Variants in GPHN observed in about 807,000 individuals in gnomAD.
The protein encoded by GPHN is gephyrin.
GPHN carries 17 observed loss-of-function variants against 95.5 expected under a neutral mutation model. The ratio of observed to expected loss-of-function variants is 0.18; its 90% CI spans 0.12 to 0.27. The LOEUF (loss-of-function observed/expected upper bound fraction) is 0.27. Ranked by LOEUF, GPHN falls within the 10% of genes least tolerant of loss-of-function variation. The pLI, the probability that GPHN is intolerant of heterozygous loss-of-function variation, is 1.00. For synonymous variants in GPHN, 320 were observed against 322.5 expected (o/e 0.99, Z 0.08); for missense variants, 660 against 978.1 (o/e 0.67, Z 4.34).
the GPHN span, among the ~76,000 whole-genome samples, chr14:67,410,924 T>C: frequency 1.6e-4 from 24 of 152,274 alleles, no homozygotes; most frequent in African/African-American, 5.3e-4. Context: ...GGTGGGCAGA[T>C]GACTTAAACC....
chr14:67,520,839 A>G, the GPHN span, among the ~76,000 whole-genome samples: 2 of 152,258 alleles, frequency 1.3e-5, no homozygotes, highest in Non-Finnish European at 2.9e-5. Context: ...CAAGGAGCAC[A>G]ATTCCTGGAT....
At chr14:67,561,281 C>G in the GPHN span, among the ~76,000 whole-genome samples, 1 of 152,186 alleles carries the variant, frequency 6.6e-6, no homozygotes. Context: ...GGGGCAGTGG[C>G]TCACACCTGT....
At position 66,930,305 on chromosome 14, in the gene GPHN, G is replaced by C. The variant is rs1375920027; in HGVS notation, c.828+6013G>C. Among the ~76,000 whole-genome samples the C allele has an allele frequency of 2.6e-5, 4 of 151,210 alleles. No homozygotes were observed. In the East Asian group the frequency reaches 7.7e-4, roughly 29 times the overall value. ...AATTTCTTACTTTATATTTTTTGTG[G>C]AACTATTGTTAGTTTTTTGGTTTGA... On this transcript the variant is annotated intron_variant, in intron 8 of 22. Coordinates refer to ENST00000478722, the MANE Select transcript of GPHN (RefSeq NM_020806.5).
intron 1 of GPHN, among the ~76,000 whole-genome samples, chr14:66,531,340 C>T (rs2058930664): frequency 6.6e-6 from 1 of 152,072 alleles, no homozygotes; most frequent in African/African-American, 2.4e-5. Context: ...GAGTCTGAGG[C>T]AGGAGAATCA....
At chr14:67,225,162 G>A in the GPHN span, 1 of 1,583,538 alleles carries the variant, frequency 6.3e-7, no homozygotes, top group Non-Finnish European at 8.6e-7. Flanking sequence ...CCTCAAACTT[G>A]TGCCTCATCT....
At position 67,054,000 on chromosome 14, in the gene GPHN, A is replaced by G. The variant is rs578005354; in HGVS notation, c.1007-4649A>G. ...GCAATTTATGACAAACCCACAGCCA[A>G]TATCATACTGAATGGGAAAAAGCTC... is the stretch of plus-strand genomic sequence containing the variant. On this transcript the variant is annotated intron_variant, in intron 10 of 22. Coordinates refer to ENST00000478722, the MANE Select transcript of GPHN (RefSeq NM_020806.5). 7.2e-5 allele frequency among the ~76,000 whole-genome samples: 11 copies of G among 152,358 alleles called. No homozygotes were observed. In the South Asian group the frequency reaches 2.1e-3, roughly 29 times the overall value.
chr14:66,809,621 A>T (rs1566968428), intron 3 of GPHN, among the ~76,000 whole-genome samples: 1 of 152,198 alleles, frequency 6.6e-6, no homozygotes, highest in Non-Finnish European at 1.5e-5. Flanking sequence ...TCTATGGCAT[A>T]CAAGTAACAC....
chr14:67,615,525 A>G, the GPHN span: 1 of 445,068 alleles, frequency 2.2e-6, no homozygotes, highest in Non-Finnish European at 4.3e-6. Context: ...GCAAAATGCC[A>G]TCGTATGTAT....
intron 11 of GPHN, among the ~76,000 whole-genome samples, chr14:67,072,935 G>A (rs1315163682): frequency 6.6e-6 from 1 of 151,946 alleles, no homozygotes; most frequent in African/African-American, 2.4e-5. Context: ...TAAGCCACCA[G>A]TATTTCTTCA....
chr14:66,938,261 A>C (rs572110985), intron 8 of GPHN, among the ~76,000 whole-genome samples: 8 of 152,336 alleles, frequency 5.3e-5, no homozygotes, highest in Middle Eastern at 3.4e-3. Flanking sequence ...GGAGGAAGTC[A>C]GAATCAAATA....
the GPHN span, among the ~76,000 whole-genome samples, chr14:67,213,792 G>A: frequency 6.6e-6 from 1 of 152,174 alleles, no homozygotes; most frequent in Admixed American, 6.5e-5. Context: ...TAGTGTAAAA[G>A]TGTTCCTATT....
chr14:66,626,895 A>G (rs369648010), intron 1 of GPHN, among the ~76,000 whole-genome samples: 2 of 152,084 alleles, frequency 1.3e-5, no homozygotes, highest in African/African-American at 4.8e-5. Flanking sequence ...ACAAATTATA[A>G]AACAGTGCAG....
the GPHN span, among the ~76,000 whole-genome samples, chr14:67,440,744 T>C: frequency 7.2e-6 from 1 of 138,442 alleles, no homozygotes; most frequent in Non-Finnish European, 1.6e-5. Flanking sequence ...TTTTCCTGTC[T>C]CAGAGTGAAA....
intron 19 of GPHN, among the ~76,000 whole-genome samples, chr14:67,163,379 A>T (rs979298126): frequency 6.6e-6 from 1 of 152,120 alleles, no homozygotes. Context: ...CAATATAACT[A>T]TTGCTACTAT....
chr14:66,999,884 A>G (rs1359685854), intron 9 of GPHN, among the ~76,000 whole-genome samples: 1 of 151,874 alleles, frequency 6.6e-6, no homozygotes, highest in Non-Finnish European at 1.5e-5. Flanking sequence ...TTTGTAACAC[A>G]ATATCTAACC....
chr14:66,625,008 A>C (rs1192586139), intron 1 of GPHN, among the ~76,000 whole-genome samples: 1 of 152,168 alleles, frequency 6.6e-6, no homozygotes, highest in African/African-American at 2.4e-5. Context: ...TTTTACAATT[A>C]GTCTGAATGG....
the GPHN span, among the ~76,000 whole-genome samples, chr14:67,670,052 G>A: frequency 6.6e-6 from 1 of 152,208 alleles, no homozygotes; most frequent in Non-Finnish European, 1.5e-5. Flanking sequence ...CAGTGATGGT[G>A]CCACTGCACT....
the GPHN span, chr14:67,646,567 C>A: frequency 8.5e-7 from 1 of 1,183,122 alleles, no homozygotes; most frequent in Admixed American, 1.8e-5. Flanking sequence ...AGATTGCATA[C>A]CCACGGACGC....
At chr14:67,487,913 T>C in the GPHN span, among the ~76,000 whole-genome samples, 1 of 152,186 alleles carries the variant, frequency 6.6e-6, no homozygotes, top group Admixed American at 6.5e-5. Flanking sequence ...CGTGAGCCAC[T>C]GTGCCTGGCC....
Sources: allele counts gnomAD v4.1 joint callset (sites outside exome capture counted in the v4.1 genomes callset), GRCh38; gene constraint gnomAD v4.1.1; transcripts MANE v1.5; gene names NCBI Gene and HGNC (gene_info 2026-07-23, HGNC 2026-07-21).